The following COL21A1 variants were observed in gnomAD, a reference collection of about 807,000 sequenced individuals.
COL21A1 encodes the protein collagen alpha-1(XXI) chain.
Under a neutral mutation model 137.9 loss-of-function variants are expected in COL21A1, and 149 were observed. The ratio of observed to expected loss-of-function variants is 1.08; its 90% CI spans 0.95 to 1.24. COL21A1 has a LOEUF of 1.24. COL21A1 is among the 50% of genes most tolerant of loss of function. The pLI is 0.00. For missense variants in COL21A1, 1,167 were observed against 1,158.4 expected (o/e 1.01, Z -0.11); for synonymous variants, 456 against 391.5 (o/e 1.16, Z -1.95).
chr6:56,209,182 T>A (rs149865089), intron 1 of COL21A1, among the ~76,000 whole-genome samples: 1 of 152,054 alleles, frequency 6.6e-6, no homozygotes, highest in East Asian at 1.9e-4. Flanking sequence ...AATCCTAGAA[T>A]AAAACCTTGG....
intron 18 of COL21A1, among the ~76,000 whole-genome samples, chr6:56,076,600 TA>T (rs568005959): frequency 4.0e-5 from 6 of 151,206 alleles, no homozygotes; most frequent in South Asian, 2.1e-4. Context: ...TTATCATTTT[TA>T]AAAAAAATCA....
At chr6:56,353,512 G>A (rs1336208394) in intron 1 of COL21A1, among the ~76,000 whole-genome samples, 1 of 152,082 alleles carries the variant, frequency 6.6e-6, no homozygotes, top group Non-Finnish European at 1.5e-5. Flanking sequence ...CCACATGAGA[G>A]ACCCTGAATG....
chr6:56,253,845 T>C (rs1782910903), intron 1 of COL21A1, among the ~76,000 whole-genome samples: 1 of 152,226 alleles, frequency 6.6e-6, no homozygotes, highest in African/African-American at 2.4e-5. Flanking sequence ...TAATAAGTTC[T>C]CTTAAAAGTC....
At chr6:56,061,135 A>G in intron 25 of COL21A1, 98 bp from the exon 26 acceptor site, 2 of 924,504 alleles carry the variant, frequency 2.2e-6, no homozygotes, top group East Asian at 2.9e-5. Flanking sequence ...GCATGTATAC[A>G]TATGTAAATA....
intron 1 of COL21A1, among the ~76,000 whole-genome samples, chr6:56,198,406 T>C (rs73455343): frequency 0.029 from 4,447 of 152,208 alleles, 198 homozygotes; most frequent in African/African-American, 0.1. Flanking sequence ...GTAATTGATA[T>C]GCTAGTTAGC....
chr6:56,188,857 T>C (rs1300203410), intron 1 of COL21A1, among the ~76,000 whole-genome samples: 1 of 152,162 alleles, frequency 6.6e-6, no homozygotes, highest in Non-Finnish European at 1.5e-5. Context: ...GGAATGGACC[T>C]CCAGCAAACT....
rs569182721 is a variant in COL21A1, at chr6:56,234,982, C to T, written c.-39+12405G>A. ...CTTCAGTTCGTGCATACTGAAACAT[C>T]TTATTTCCTACTTCTCCGCACCTAA... On this transcript the variant is annotated intron_variant, in intron 1 of 29. Coordinates refer to ENST00000244728, the MANE Select transcript of COL21A1 (RefSeq NM_030820.4). Among the ~76,000 whole-genome samples the T allele has an allele frequency of 2.6e-5, 4 of 151,922 alleles. No individual in the cohort carries two copies. In the East Asian group the frequency reaches 7.8e-4, roughly 30 times the overall value.
chr6:56,066,953 C>CTG (rs66584550), intron 23 of COL21A1, among the ~76,000 whole-genome samples: 89,876 of 144,286 alleles, frequency 0.62, 28,230 homozygotes, highest in East Asian at 0.84. Context: ...TGGAAACACA[C>CTG]TGTGTGTGTG....
At chr6:56,279,842 C>T (rs2152333750) in intron 1 of COL21A1, among the ~76,000 whole-genome samples, 1 of 152,238 alleles carries the variant, frequency 6.6e-6, no homozygotes, top group East Asian at 1.9e-4. Flanking sequence ...TGATAACTTT[C>T]CCTTTATCTG....
chr6:56,194,910 C>T (rs1312808802), intron 1 of COL21A1, among the ~76,000 whole-genome samples: 1 of 152,142 alleles, frequency 6.6e-6, no homozygotes, highest in African/African-American at 2.4e-5. Flanking sequence ...GTGATTGGGT[C>T]ATGAGGGCTC....
chr6:56,245,277 C>T (rs756383688), intron 1 of COL21A1, among the ~76,000 whole-genome samples: 2 of 152,018 alleles, frequency 1.3e-5, no homozygotes, highest in African/African-American at 4.8e-5. Context: ...AATGTTAATA[C>T]ATTATAAAGG....
chr6:56,170,814 T>C lies in COL21A1; in HGVS notation c.861A>G (p.Gln287=). The C allele has an allele frequency of 6.2e-7, 1 of 1,611,134 alleles. No homozygotes were observed. The highest frequency in any genetic ancestry group is 8.5e-7 in the Non-Finnish European group (1 of 1,178,190). ...CCCAAATTTTCTTGACTTTAAATCT[T>C]TGAGTAGACACAAATACATATGATG... ...LPPSYVFVST[Q]RFKVKKIWDL... is the part of the protein sequence containing the mutation. Residue 287 remains glutamine, a synonymous_variant, in exon 5 of 30, where the codon CAA becomes CAG. Transcript: ENST00000244728.
At chr6:56,119,270 A>G (rs1265846022) in intron 16 of COL21A1, among the ~76,000 whole-genome samples, 1 of 152,188 alleles carries the variant, frequency 6.6e-6, no homozygotes, top group Non-Finnish European at 1.5e-5. Context: ...TAGCATCTCT[A>G]TATGCCAATG....
intron 12 of COL21A1, among the ~76,000 whole-genome samples, chr6:56,129,720 G>GAGAGAC (rs1773367568): frequency 1.3e-5 from 2 of 148,380 alleles, no homozygotes; most frequent in Non-Finnish European, 3.0e-5. Flanking sequence ...GAGAGAGAGA[G>GAGAGAC]AGACAGACAG....
At chr6:56,150,161 G>T (rs1775179577) in intron 10 of COL21A1, among the ~76,000 whole-genome samples, 2 of 152,068 alleles carry the variant, frequency 1.3e-5, no homozygotes, top group African/African-American at 4.8e-5. Flanking sequence ...TTTCTATGAG[G>T]TTTAATGCTC....
At chr6:56,190,593 G>T (rs1395162593) in intron 1 of COL21A1, among the ~76,000 whole-genome samples, 1 of 152,138 alleles carries the variant, frequency 6.6e-6, no homozygotes, top group Non-Finnish European at 1.5e-5. Context: ...CATTTTATGA[G>T]GCCAGCATCA....
chr6:56,347,514 A>AC (rs1554184698), intron 1 of COL21A1, among the ~76,000 whole-genome samples: 89 of 107,882 alleles, frequency 8.2e-4, no homozygotes, highest in Admixed American at 3.2e-3. Flanking sequence ...CCTAGGAAGC[A>AC]TTTAAAAAAA....
chr6:56,356,262 A>G (rs946712976), intron 1 of COL21A1, among the ~76,000 whole-genome samples: 2 of 152,144 alleles, frequency 1.3e-5, no homozygotes, highest in Non-Finnish European at 2.9e-5. Context: ...CTGAAGTACT[A>G]TAAGGGGCTA....
chr6:56,240,701 C>A (rs1782246730), intron 1 of COL21A1, among the ~76,000 whole-genome samples: 1 of 152,158 alleles, frequency 6.6e-6, no homozygotes, highest in African/African-American at 2.4e-5. Context: ...ACTTTGCAAG[C>A]ACACCTGTCT....
Sources: gnomAD v4.1 joint callset for allele counts (sites outside exome capture counted in the v4.1 genomes callset) on GRCh38, gnomAD v4.1.1 for gene constraint, MANE v1.5 for transcripts, NCBI Gene and HGNC (gene_info 2026-07-23, HGNC 2026-07-21) for gene names.